Variants in CNTNAP2 observed in about 807,000 individuals in gnomAD.
The protein encoded by CNTNAP2 is contactin associated protein 2.
A neutral mutation model predicts 155.2 loss-of-function variants in CNTNAP2; 98 were observed. That is an observed-to-expected ratio of 0.63 (90% CI 0.54 to 0.75). CNTNAP2 has a LOEUF of 0.75. Ranked by LOEUF, CNTNAP2 falls within the 30% of genes least tolerant of loss-of-function variation. The pLI is 0.00. For synonymous variants in CNTNAP2, 651 were observed against 631.2 expected (o/e 1.03, Z -0.47); for missense variants, 1,727 against 1,688.1 (o/e 1.02, Z -0.40).
At position 147,183,562 on chromosome 7, in the gene CNTNAP2, A is replaced by AGTGT. The variant is rs112187548; in HGVS notation, c.1348+51068_1348+51071dup. On this transcript the variant is annotated intron_variant, in intron 8 of 23. Transcript: ENST00000361727. ...ACATATTCAGCCACTTTGTTAAATA[A>AGTGT]GTGTGTGTGTGTGTGTGTTTTTCCT... Among the ~76,000 whole-genome samples the AGTGT allele has an allele frequency of 8.7e-3, 1,323 of 151,358 alleles. 19 individuals are homozygous for AGTGT. Among genetic ancestry groups the AGTGT allele is most frequent in the African/African-American group, 0.029 (1,212 of 41,290 alleles).
chr7:146,747,991 C>G (rs1241080766), intron 1 of CNTNAP2, among the ~76,000 whole-genome samples: 1 of 151,542 alleles, frequency 6.6e-6, no homozygotes, highest in East Asian at 1.9e-4. Flanking sequence ...ACAAAATATA[C>G]TAGTTTTCCG....
intron 8 of CNTNAP2, among the ~76,000 whole-genome samples, chr7:147,240,890 G>T (rs1406121050): frequency 1.3e-5 from 2 of 152,156 alleles, no homozygotes; most frequent in East Asian, 1.9e-4. Flanking sequence ...GTACCAAAAA[G>T]AAAATATATT....
intron 14 of CNTNAP2, among the ~76,000 whole-genome samples, chr7:147,905,256 A>T (rs1799940401): frequency 6.6e-6 from 1 of 152,164 alleles, no homozygotes; most frequent in Non-Finnish European, 1.5e-5. Flanking sequence ...GGAAGCTGAC[A>T]TTGGGTTCAG....
chr7:148,295,893 C>T (rs776473662), intron 21 of CNTNAP2, among the ~76,000 whole-genome samples: 8 of 152,092 alleles, frequency 5.3e-5, no homozygotes, highest in Non-Finnish European at 7.4e-5. Context: ...AAGACATTAT[C>T]GCTGTAAAAA....
At chr7:147,641,549 T>C (rs966248985) in intron 13 of CNTNAP2, among the ~76,000 whole-genome samples, 6 of 152,216 alleles carry the variant, frequency 3.9e-5, no homozygotes, top group South Asian at 2.1e-4. Context: ...ATGAGTGCTA[T>C]GGACTGAATT....
intron 15 of CNTNAP2, among the ~76,000 whole-genome samples, chr7:148,062,011 T>TAGATGATAGAGAGAGAG (rs1803163415): frequency 1.5e-4 from 13 of 84,206 alleles, no homozygotes; most frequent in African/African-American, 5.2e-4. Context: ...AGATAGATGA[T>TAGATGATAGAGAGAGAG]AGAGAGAGAG....
chr7:146,634,148 T>C (rs1799558407), intron 1 of CNTNAP2, among the ~76,000 whole-genome samples: 1 of 152,172 alleles, frequency 6.6e-6, no homozygotes, highest in Non-Finnish European at 1.5e-5. Flanking sequence ...ATTTGCCAAT[T>C]ATGTACAAAG....
intron 16 of CNTNAP2, among the ~76,000 whole-genome samples, chr7:148,130,022 T>A (rs1804798761): frequency 6.6e-6 from 1 of 152,220 alleles, no homozygotes; most frequent in Admixed American, 6.5e-5. Flanking sequence ...CACCTAATTG[T>A]AAATGCTAAC....
At chr7:146,918,501 T>C (rs1476659766) in intron 3 of CNTNAP2, among the ~76,000 whole-genome samples, 4 of 152,216 alleles carry the variant, frequency 2.6e-5, no homozygotes, top group Admixed American at 1.3e-4. Flanking sequence ...AGGCTAAAGA[T>C]AGGACTCCAG....
chr7:146,824,010 A>G (rs1169195848), intron 2 of CNTNAP2, among the ~76,000 whole-genome samples: 1 of 151,978 alleles, frequency 6.6e-6, no homozygotes, highest in African/African-American at 2.4e-5. Context: ...TGCATTAGGT[A>G]TTTCTCCTAA....
chr7:146,685,421 G>A (rs947301068), intron 1 of CNTNAP2, among the ~76,000 whole-genome samples: 2 of 152,136 alleles, frequency 1.3e-5, no homozygotes, highest in Middle Eastern at 3.2e-3. Flanking sequence ...TGAACATTAT[G>A]TATCATTAGG....
intron 13 of CNTNAP2, among the ~76,000 whole-genome samples, chr7:147,835,045 A>C (rs1277435209): frequency 1.3e-5 from 2 of 152,162 alleles, no homozygotes; most frequent in Non-Finnish European, 1.5e-5. Context: ...TCTGCCAATA[A>C]GGATAAAAAA....
intron 15 of CNTNAP2, among the ~76,000 whole-genome samples, chr7:148,012,551 C>A (rs1234064606): frequency 1.3e-5 from 2 of 151,730 alleles, no homozygotes; most frequent in Non-Finnish European, 2.9e-5. Context: ...GGGTAGATCT[C>A]ATGTTAAGTG....
intron 16 of CNTNAP2, among the ~76,000 whole-genome samples, chr7:148,146,908 C>T (rs1332094731): frequency 6.6e-6 from 1 of 152,142 alleles, no homozygotes; most frequent in Non-Finnish European, 1.5e-5. Flanking sequence ...ATAAATTCCC[C>T]CAAAGCAGTA....
chr7:146,366,256 TA>T (rs1275738144), intron 1 of CNTNAP2, among the ~76,000 whole-genome samples: 1 of 114,460 alleles, frequency 8.7e-6, no homozygotes, highest in Non-Finnish European at 1.7e-5. Flanking sequence ...TTTCTTAAAA[TA>T]ATTTTTTTTA....
intron 13 of CNTNAP2, among the ~76,000 whole-genome samples, chr7:147,850,783 A>C (rs1798922257): frequency 6.6e-6 from 1 of 152,234 alleles, no homozygotes; most frequent in South Asian, 2.1e-4. Flanking sequence ...AAGATGGATT[A>C]AAGACTTAAA....
At position 147,822,979 on chromosome 7, in the gene CNTNAP2, A is replaced by C. The variant is rs531279225; in HGVS notation, c.2099-80586A>C. On this transcript the variant is annotated intron_variant, in intron 13 of 23. Transcript: ENST00000361727. ...TTATCAGAAGGAAACCTTGTCTTCT[A>C]CAGTAGGTACTACCTTCTTGAGCTG... Among the ~76,000 whole-genome samples, 273 of 152,362 alleles carry C rather than the reference A, an allele frequency of 1.8e-3. 1 individual carries two copies. The highest frequency in any genetic ancestry group is 0.014 in the Middle Eastern group (4 of 294).
Position 148,093,565 on chromosome 7 carries a change from G to A in CNTNAP2, c.2384-24553G>A, listed in dbSNP as rs114656144. ...GTTAGCAGAAAAAGGAAAACATGAC[G>A]TCAGGAAGCTGGGGCCATGGATTTT... On this transcript the variant is annotated intron_variant, in intron 15 of 23. Transcript: ENST00000361727. Among the ~76,000 whole-genome samples the A allele has an allele frequency of 4.9e-3, 751 of 152,234 alleles. 4 individuals carry two copies. The highest frequency in any genetic ancestry group is 0.016 in the African/African-American group (665 of 41,542).
chr7:146,231,338 A>G (rs932064511), intron 1 of CNTNAP2, among the ~76,000 whole-genome samples: 2 of 152,148 alleles, frequency 1.3e-5, no homozygotes, highest in Admixed American at 1.3e-4. Flanking sequence ...GCAGGAGTGA[A>G]CCTGTTTTCC....
Sources: allele counts gnomAD v4.1 joint callset (sites outside exome capture counted in the v4.1 genomes callset), GRCh38; gene constraint gnomAD v4.1.1; transcripts MANE v1.5; gene names NCBI Gene and HGNC (gene_info 2026-07-23, HGNC 2026-07-21).